SAMD12: variants seen among roughly 807,000 people sequenced by gnomAD.
The protein encoded by SAMD12 is sterile alpha motif domain-containing protein 12.
In SAMD12, 9 loss-of-function variants were observed where a neutral mutation model predicts 15.0. The observed-to-expected ratio is 0.60, with a 90% CI of 0.36 to 1.05. SAMD12 has a LOEUF of 1.05. SAMD12 is among the 50% of genes least tolerant of loss of function. The pLI, the probability that SAMD12 is intolerant of heterozygous loss-of-function variation, is 0.01. For synonymous variants in SAMD12, 86 were observed against 90.1 expected, an observed-to-expected ratio of 0.96 and a Z score of 0.25; for missense variants, 230 against 234.2, an observed-to-expected ratio of 0.98 and a Z score of 0.12.
intron 4 of SAMD12, among the ~76,000 whole-genome samples, chr8:118,298,965 G>T (rs1403098434): frequency 1.3e-5 from 2 of 152,024 alleles, no homozygotes; most frequent in African/African-American, 2.4e-5. Context: ...GCACTGTTTT[G>T]TCTATTTTTA....
chr8:118,374,205 T>G (rs1727823384), downstream of SAMD12, among the ~76,000 whole-genome samples: 1 of 152,148 alleles, frequency 6.6e-6, no homozygotes, highest in Non-Finnish European at 1.5e-5. Flanking sequence ...TTTTGACTAT[T>G]TTAGATACTC....
At chr8:118,153,698 T>A in the SAMD12 span, among the ~76,000 whole-genome samples, 4 of 152,128 alleles carry the variant, frequency 2.6e-5, no homozygotes, top group African/African-American at 9.7e-5. Context: ...AGATGGGAGA[T>A]GACCAGAGGC....
At chr8:118,150,785 C>T in the SAMD12 span, among the ~76,000 whole-genome samples, 1 of 147,704 alleles carries the variant, frequency 6.8e-6, no homozygotes, top group Non-Finnish European at 1.5e-5. Context: ...TCCAAATTTC[C>T]ACATGGTATT....
At chr8:118,151,204 C>G in the SAMD12 span, among the ~76,000 whole-genome samples, 1 of 151,874 alleles carries the variant, frequency 6.6e-6, no homozygotes, top group Non-Finnish European at 1.5e-5. Flanking sequence ...CTTTAAAAAT[C>G]GTTGTCTTTA....
At chr8:118,527,815 G>C (rs1825572381) in intron 2 of SAMD12, among the ~76,000 whole-genome samples, 1 of 152,098 alleles carries the variant, frequency 6.6e-6, no homozygotes. Context: ...TGGATTTTGA[G>C]CACGATAATT....
chr8:118,496,052 G>T (rs1824599700), intron 2 of SAMD12, among the ~76,000 whole-genome samples: 1 of 152,070 alleles, frequency 6.6e-6, no homozygotes, highest in Admixed American at 6.6e-5. Context: ...ACTGCTGAAA[G>T]AAATCAGAGA....
At chr8:118,134,203 C>T in the SAMD12 span, among the ~76,000 whole-genome samples, 2 of 152,204 alleles carry the variant, frequency 1.3e-5, no homozygotes, top group Non-Finnish European at 2.9e-5. Flanking sequence ...CGGGTCTCAT[C>T]TGTATAATTT....
At chr8:118,415,363 A>T (rs912146503) in intron 3 of SAMD12, among the ~76,000 whole-genome samples, 1 of 151,904 alleles carries the variant, frequency 6.6e-6, no homozygotes, top group Non-Finnish European at 1.5e-5. Context: ...CACCATGCGA[A>T]CCCTGTTGTA....
chr8:118,261,988 T>C (rs1448753811), intron 4 of SAMD12, among the ~76,000 whole-genome samples: 1 of 152,054 alleles, frequency 6.6e-6, no homozygotes, highest in African/African-American at 2.4e-5. Context: ...AATAGAATAC[T>C]ATTCAGCCTT....
chr8:118,336,369 T>C (rs1396356133), intron 4 of SAMD12, among the ~76,000 whole-genome samples: 1 of 152,210 alleles, frequency 6.6e-6, no homozygotes, highest in Non-Finnish European at 1.5e-5. Flanking sequence ...ATACAACCTT[T>C]CAAAGCTTCT....
chr8:118,187,503 G>A (rs1200377065), downstream of SAMD12, among the ~76,000 whole-genome samples: 9 of 152,124 alleles, frequency 5.9e-5, no homozygotes, highest in South Asian at 2.1e-4. Flanking sequence ...TGCACTTCAC[G>A]TTTGCTAGGT....
intron 4 of SAMD12, among the ~76,000 whole-genome samples, chr8:118,255,820 T>G (rs1014411304): frequency 2.0e-5 from 3 of 152,126 alleles, no homozygotes; most frequent in African/African-American, 7.2e-5. Context: ...AACATAAGTA[T>G]GCATGTGTCT....
chr8:118,402,364 C>T (rs1820910321), intron 3 of SAMD12, among the ~76,000 whole-genome samples: 1 of 152,002 alleles, frequency 6.6e-6, no homozygotes, highest in Non-Finnish European at 1.5e-5. Context: ...AAGGCAAGAT[C>T]GAAGTATGAG....
intron 3 of SAMD12, among the ~76,000 whole-genome samples, chr8:118,418,451 C>A (rs1438654972): frequency 6.6e-6 from 1 of 152,218 alleles, no homozygotes; most frequent in Non-Finnish European, 1.5e-5. Context: ...CGCCATGGCT[C>A]ACGCCTGTAA....
intron 4 of SAMD12, among the ~76,000 whole-genome samples, chr8:118,360,193 G>A (rs1818419670): frequency 1.3e-5 from 2 of 152,112 alleles, no homozygotes; most frequent in Admixed American, 1.3e-4. Flanking sequence ...AATAGGATGG[G>A]CTCCCTGGAG....
At chr8:118,259,460 A>G (rs1813027520) in intron 4 of SAMD12, among the ~76,000 whole-genome samples, 1 of 152,108 alleles carries the variant, frequency 6.6e-6, no homozygotes, top group Non-Finnish European at 1.5e-5. Flanking sequence ...CCTACAGTGC[A>G]CAGGTCAGGT....
chr8:118,586,784 GCCACATAACTA>G (rs1442497763), intron 1 of SAMD12, among the ~76,000 whole-genome samples: 1 of 152,186 alleles, frequency 6.6e-6, no homozygotes, highest in Non-Finnish European at 1.5e-5. Context: ...GTAGTGTGTA[GCCACATAACTA>G]CCTTACAGTA....
chr8:118,318,600 A>G (rs1816068101), intron 4 of SAMD12, among the ~76,000 whole-genome samples: 2 of 152,038 alleles, frequency 1.3e-5, no homozygotes, highest in Admixed American at 6.6e-5. Context: ...ATAAAACTAC[A>G]TATTGGATAC....
chr8:118,346,157 A>G (rs1233107442), intron 4 of SAMD12, among the ~76,000 whole-genome samples: 1 of 152,244 alleles, frequency 6.6e-6, no homozygotes, highest in Non-Finnish European at 1.5e-5. Flanking sequence ...TTCTGATTAG[A>G]TGTAGTAAAC....
Sources: gnomAD v4.1 joint callset for allele counts (sites outside exome capture counted in the v4.1 genomes callset) on GRCh38, gnomAD v4.1.1 for gene constraint, MANE v1.5 for transcripts, NCBI Gene and HGNC (gene_info 2026-07-23, HGNC 2026-07-21) for gene names.